Variants in GP6 observed in about 807,000 individuals in gnomAD.
GP6 encodes the protein platelet glycoprotein VI.
Under a neutral mutation model 37.3 loss-of-function variants are expected in GP6, and 45 were observed. The observed-to-expected ratio is 1.21, with a 90% CI of 0.95 to 1.55. GP6 has a LOEUF of 1.55. Among genes scored for constraint, GP6 ranks in the 40% most tolerant of loss-of-function variants. GP6 has a pLI of 0.00. For missense variants in GP6, 813 were observed against 760.2 expected (o/e 1.07, Z -0.82); for synonymous variants, 340 against 316.4 (o/e 1.07, Z -0.79).
At chr19:55,032,908 A>AGACG (rs1200319396) in intron 1 of GP6, 1,920 of 168,044 alleles carry the variant, frequency 0.011, 191 homozygotes, top group South Asian at 0.019. Flanking sequence ...CGTGTTAGAC[A>AGACG]CGGTGGGCTC....
At chr19:55,035,578 G>A (rs1215319672) in intron 1 of GP6, among the ~76,000 whole-genome samples, 6 of 151,550 alleles carry the variant, frequency 4.0e-5, no homozygotes, top group Admixed American at 1.3e-4. Context: ...TTAGCGGGGC[G>A]TAGTGGCAGG....
intron 3 of GP6, among the ~76,000 whole-genome samples, chr19:55,030,386 C>T (rs958588311): frequency 1.3e-5 from 2 of 151,340 alleles, no homozygotes; most frequent in African/African-American, 4.9e-5. Flanking sequence ...CTTGCTCTGT[C>T]GCCCAGGCTG....
rs377612209 is a variant in GP6 at position 55,020,036 on chromosome 19, A to G, written c.665-1325T>C. ...CACCAAAATATTCCTGAACTGCCTC[A>G]GCTGATAAATACGAAGCTCTTGTTG... On this transcript the variant is annotated intron_variant, in intron 5 of 7. Transcript: ENST00000310373. 2.6e-4 allele frequency among the ~76,000 whole-genome samples: 39 copies of G among 152,076 alleles called. No homozygotes were observed. The South Asian group carries it at 5.8e-3, about 23-fold the overall frequency.
chr19:55,027,647 A>G lies in GP6; in HGVS notation c.541T>C (p.Tyr181His), dbSNP rs1302348357. ...TATGGGTCCCTGCTGGAGAAGCTGTAGCATCGGTAGGTTCCGCTGTGGGCG... is the reference window on the plus strand; with the variant it reads ...TATGGGTCCCTGCTGGAGAAGCTGTGGCATCGGTAGGTTCCGCTGTGGGCG... Residue 181 changes from tyrosine to histidine, a missense_variant, in exon 4 of 8, where the codon TAC (tyrosine) becomes CAC (histidine). By Grantham distance (83) the Tyr-to-His change is moderately conservative. Transcript: ENST00000310373. 1.2e-6 allele frequency: 2 copies of G among 1,613,180 alleles called. No homozygotes were observed. Among genetic ancestry groups the G allele is most frequent in the Non-Finnish European group, 1.7e-6 (2 of 1,179,110 alleles).
rs1357661954 is a variant in GP6 at position 55,024,309 on chromosome 19, T to TGCACACACAC, written c.664+908_664+909insGTGTGTGTGC. ...ACACATATGCACGCATGCACACACA[T>TGCACACACAC]ATGCACGCACACACACATATGCACG... On this transcript the variant is annotated intron_variant, in intron 5 of 7. Coordinates refer to ENST00000310373, the MANE Select transcript of GP6 (RefSeq NM_001083899.2). Among the ~76,000 whole-genome samples, 21 of 130,056 alleles carry TGCACACACAC rather than the reference T, an allele frequency of 1.6e-4. 1 individual carries two copies. Among genetic ancestry groups the TGCACACACAC allele is most frequent in the African/African-American group, 5.7e-4 (19 of 33,388 alleles). The allele number at this position is 130,056 out of a possible 152,430, so 85.3% of individuals were successfully genotyped here.
intron 1 of GP6, among the ~76,000 whole-genome samples, chr19:55,034,679 C>T (rs924843202): frequency 2.0e-5 from 3 of 151,168 alleles, no homozygotes; most frequent in African/African-American, 7.3e-5. Context: ...TCCAATTTAA[C>T]CAGGCATCCA....
Position 55,014,417 on chromosome 19 carries a change from C to T in GP6, c.1528G>A (p.Gly510Ser). 1.2e-6 allele frequency: 2 copies of T among 1,613,654 alleles called. No individual in the cohort carries two copies. The highest frequency in any genetic ancestry group is 1.7e-6 in the Non-Finnish European group (2 of 1,179,584). Reference sequence around the variant, plus strand: ...GACATACCCAAACTGCCTGCAAGACCCGTTCTGAGAGACGAAAGGAGATTT... The same window carrying T: ...GACATACCCAAACTGCCTGCAAGACTCGTTCTGAGAGACGAAAGGAGATTT... The change falls in exon 8 of 8, where the codon GGT (glycine) becomes AGT (serine). Residue 510 changes from glycine to serine, a missense_variant. Transcript: ENST00000310373.
chr19:55,015,304 C>A (rs990547395), intron 7 of GP6, 139 bp from the exon 8 acceptor site: 1 of 1,387,762 alleles, frequency 7.2e-7, no homozygotes, highest in Non-Finnish European at 1.0e-6. Flanking sequence ...AGGGTCCCTC[C>A]CTTCCCGAGT....
intron 4 of GP6, among the ~76,000 whole-genome samples, chr19:55,026,964 T>C (rs113751532): frequency 2.8e-3 from 267 of 94,576 alleles, no homozygotes; most frequent in African/African-American, 6.1e-3. Flanking sequence ...TTCCCACCTC[T>C]GGCCCCGCCC....
intron 6 of GP6, among the ~76,000 whole-genome samples, chr19:55,017,749 G>C (rs1391707788): frequency 6.6e-6 from 1 of 152,086 alleles, no homozygotes; most frequent in Middle Eastern, 3.2e-3. Flanking sequence ...GTTCCGAACT[G>C]AAGATAGGGA....
chr19:55,014,552 C>G lies in GP6; in HGVS notation c.1393G>C (p.Val465Leu), dbSNP rs1306926748. ...GGAGGATTTTGCACAGAGGATGGAACAGAGTCAACCCTGAGAGCTGGGAAC... is the reference window on the plus strand; with the variant it reads ...GGAGGATTTTGCACAGAGGATGGAAGAGAGTCAACCCTGAGAGCTGGGAAC... Residue 465 changes from valine to leucine, a missense_variant, in exon 8 of 8, where the codon GTT (valine) becomes CTT (leucine). By Grantham distance (32) the Val-to-Leu change is conservative. Coordinates refer to ENST00000310373, the MANE Select transcript of GP6 (RefSeq NM_001083899.2). 1 of 1,613,478 alleles carries G rather than the reference C, an allele frequency of 6.2e-7. No homozygotes were observed.
intron 6 of GP6, among the ~76,000 whole-genome samples, chr19:55,016,560 G>A (rs1018765524): frequency 6.6e-6 from 1 of 151,780 alleles, no homozygotes; most frequent in Non-Finnish European, 1.5e-5. Context: ...ATTTTTAGTA[G>A]AGATGGGATT....
chr19:55,033,808 A>G (rs1311968322), intron 1 of GP6, among the ~76,000 whole-genome samples: 1 of 152,186 alleles, frequency 6.6e-6, no homozygotes, highest in Non-Finnish European at 1.5e-5. Context: ...ATGGAGCAGG[A>G]TGGAGCCTCA....
In GP6 at chr19:55,032,763, G is replaced by C. The variant is rs959573800; in HGVS notation, c.35-225C>G. On this transcript the variant is annotated intron_variant, in intron 1 of 7. Coordinates refer to ENST00000310373, the MANE Select transcript of GP6 (RefSeq NM_001083899.2). ...ATATCCAGAATAGGTAAATCTATAG[G>C]AGATGGAGAAGAAAGCAGATCCATG... 2.2e-5 allele frequency: 14 copies of C among 636,096 alleles called. No homozygotes were observed. The African/African-American group carries it at 2.4e-4, about 11-fold the overall frequency. 39.4% of individuals were successfully genotyped at this position (636,096 alleles called of 1,614,324 possible).
At chr19:55,016,564 T>C (rs2146708918) in intron 6 of GP6, among the ~76,000 whole-genome samples, 1 of 151,710 alleles carries the variant, frequency 6.6e-6, no homozygotes, top group Admixed American at 6.6e-5. Context: ...TTAGTAGAGA[T>C]GGGATTTCAC....
At chr19:55,026,237 C>T (rs2074297956) in intron 4 of GP6, among the ~76,000 whole-genome samples, 1 of 152,164 alleles carries the variant, frequency 6.6e-6, no homozygotes, top group African/African-American at 2.4e-5. Flanking sequence ...ATGTACTGAT[C>T]AGTGGCGTTG....
intron 5 of GP6, among the ~76,000 whole-genome samples, chr19:55,019,092 TTC>T (rs1169597349): frequency 1.4e-5 from 2 of 140,042 alleles, no homozygotes; most frequent in African/African-American, 5.2e-5. Context: ...ACTACCAGAC[TTC>T]TTTCTTTTTT....
chr19:55,014,611 G>A lies in GP6; in HGVS notation c.1334C>T (p.Thr445Ile), dbSNP rs1401775131. 3.7e-6 allele frequency: 6 copies of A among 1,614,004 alleles called. No homozygotes were observed. The highest frequency in any genetic ancestry group is 5.1e-6 in the Non-Finnish European group (6 of 1,180,006). Residue 445 changes from threonine to isoleucine, a missense_variant, in exon 8 of 8, where the codon ACC becomes ATC. Thr to Ile is a moderately conservative substitution (Grantham distance 89). Transcript: ENST00000310373. The stretch of plus-strand genomic sequence containing the variant: ...TCCGTCTGGAGCCCATATTAGAGAG[G>A]TTGAAGAAAGAGGCCAGTATGTGGT...
intron 6 of GP6, among the ~76,000 whole-genome samples, chr19:55,016,145 A>T (rs2073865717): frequency 6.6e-6 from 1 of 151,806 alleles, no homozygotes; most frequent in Admixed American, 6.6e-5. Flanking sequence ...CTGTCCAAAA[A>T]AAAAAAAGCA....
Sources: allele counts gnomAD v4.1 joint callset (sites outside exome capture counted in the v4.1 genomes callset), GRCh38; gene constraint gnomAD v4.1.1; transcripts MANE v1.5; gene names NCBI Gene and HGNC (gene_info 2026-07-23, HGNC 2026-07-21).